The following NR2F1-AS1 variants were observed in gnomAD, a reference collection of about 807,000 sequenced individuals.
The protein encoded by NR2F1-AS1 is NR2F1 antisense RNA 1.
intron 4 of NR2F1-AS1, among the ~76,000 whole-genome samples, chr5:93,502,621 T>C (rs1751108396): frequency 1.3e-5 from 2 of 152,180 alleles, no homozygotes; most frequent in Admixed American, 6.5e-5. Context: ...GCTTATTCCA[T>C]TGAAAAGGGA....
At chr5:93,527,292 T>A (rs1182471728) in intron 4 of NR2F1-AS1, among the ~76,000 whole-genome samples, 2 of 152,022 alleles carry the variant, frequency 1.3e-5, no homozygotes, top group Non-Finnish European at 2.9e-5. Flanking sequence ...TGACAAGAAA[T>A]GTGAAGGACC....
At chr5:93,451,940 A>G (rs938986423) in intron 4 of NR2F1-AS1, among the ~76,000 whole-genome samples, 2 of 152,238 alleles carry the variant, frequency 1.3e-5, no homozygotes, top group African/African-American at 4.8e-5. Context: ...GTATTTACAT[A>G]ATTGTAAGGT....
At chr5:93,440,218 T>TCTCA (rs1379862028) in intron 4 of NR2F1-AS1, among the ~76,000 whole-genome samples, 80 of 149,044 alleles carry the variant, frequency 5.4e-4, no homozygotes, top group Middle Eastern at 3.4e-3. Flanking sequence ...TCTCTCTCTC[T>TCTCA]CACACACACA....
intron 4 of NR2F1-AS1, among the ~76,000 whole-genome samples, chr5:93,499,648 A>G (rs758862242): frequency 6.6e-6 from 1 of 152,156 alleles, no homozygotes; most frequent in Non-Finnish European, 1.5e-5. Context: ...AATTGGGCCA[A>G]TGAATAACCC....
chr5:93,570,282 C>T (rs1047424591), intron 1 of NR2F1-AS1: 2 of 152,456 alleles, frequency 1.3e-5, no homozygotes, highest in South Asian at 2.1e-4. Flanking sequence ...CCAACTGTGC[C>T]CCAGGCCTTG....
chr5:93,507,944 T>C (rs1225408711), intron 4 of NR2F1-AS1, among the ~76,000 whole-genome samples: 1 of 152,124 alleles, frequency 6.6e-6, no homozygotes, highest in Non-Finnish European at 1.5e-5. Flanking sequence ...TGGAGGAAAT[T>C]CTAAAACTTT....
intron 4 of NR2F1-AS1, among the ~76,000 whole-genome samples, chr5:93,547,149 G>GTATGTATATGCATATGCA (rs922052942): frequency 2.2e-4 from 34 of 152,066 alleles, no homozygotes; most frequent in South Asian, 4.1e-4. Context: ...GTGGGTGTGT[G>GTATGTATATGCATATGCA]TATGTATATG....
intron 4 of NR2F1-AS1, among the ~76,000 whole-genome samples, chr5:93,458,640 A>C (rs991492544): frequency 1.3e-5 from 2 of 152,206 alleles, no homozygotes; most frequent in Admixed American, 1.3e-4. Flanking sequence ...CAAAAGCCAT[A>C]AAACAAAAAA....
chr5:93,562,142 G>C (rs895628618), intron 2 of NR2F1-AS1, among the ~76,000 whole-genome samples: 36 of 125,994 alleles, frequency 2.9e-4, no homozygotes, highest in Non-Finnish European at 7.9e-5. Context: ...CTGGCCAGGA[G>C]TATAAGGCCA....
chr5:93,433,455 AG>A (rs1749368277), intron 4 of NR2F1-AS1, among the ~76,000 whole-genome samples: 1 of 152,204 alleles, frequency 6.6e-6, no homozygotes, highest in Non-Finnish European at 1.5e-5. Flanking sequence ...TGGCTCAGGC[AG>A]GGTTCCTCTC....
At chr5:93,459,129 C>G (rs1750030123) in intron 4 of NR2F1-AS1, among the ~76,000 whole-genome samples, 1 of 152,054 alleles carries the variant, frequency 6.6e-6, no homozygotes, top group Admixed American at 6.5e-5. Flanking sequence ...GTCCTTACAA[C>G]TCAAAAATAA....
rs143159446 is a variant in NR2F1-AS1 at position 93,464,454 on chromosome 5, T to C, written n.639-68912A>G. On this transcript the variant is annotated intron_variant and non_coding_transcript_variant, in intron 4 of 5. Transcript: ENST00000660523. ...TGTGTTTTAAAATAGATGTTTTCAA[T>C]TACCCTTCTAATATAGTCTTAGAAA... Among the ~76,000 whole-genome samples the C allele has an allele frequency of 2.6e-5, 4 of 152,350 alleles. No individual in the cohort carries two copies. In the East Asian group the frequency reaches 7.7e-4, roughly 29 times the overall value.
At chr5:93,444,954 G>A (rs1336568348) in intron 4 of NR2F1-AS1, among the ~76,000 whole-genome samples, 1 of 152,002 alleles carries the variant, frequency 6.6e-6, no homozygotes, top group Non-Finnish European at 1.5e-5. Flanking sequence ...ATGACTATTG[G>A]GTACATAACA....
intron 4 of NR2F1-AS1, among the ~76,000 whole-genome samples, chr5:93,436,860 T>G (rs927469076): frequency 2.6e-5 from 4 of 151,986 alleles, no homozygotes; most frequent in Non-Finnish European, 4.4e-5. Flanking sequence ...GTCCACTTAG[T>G]GAAATCCTGG....
At chr5:93,441,538 T>G (rs1439570916) in intron 4 of NR2F1-AS1, among the ~76,000 whole-genome samples, 1 of 152,180 alleles carries the variant, frequency 6.6e-6, no homozygotes, top group African/African-American at 2.4e-5. Flanking sequence ...TTGTCAGAGT[T>G]TTCTTTGGCC....
intron 4 of NR2F1-AS1, among the ~76,000 whole-genome samples, chr5:93,491,059 G>A (rs1750834551): frequency 6.6e-6 from 1 of 150,730 alleles, no homozygotes; most frequent in African/African-American, 2.4e-5. Flanking sequence ...GGTGGCGGTG[G>A]TGGTCGTTCC....
chr5:93,525,905 T>A (rs975581219), intron 4 of NR2F1-AS1, among the ~76,000 whole-genome samples: 3 of 151,712 alleles, frequency 2.0e-5, no homozygotes, highest in Non-Finnish European at 4.4e-5. Context: ...GAGAAAGCAA[T>A]AAAGGTCTGA....
rs1383605087 is a variant in NR2F1-AS1 at position 93,524,984 on chromosome 5, C to T, written n.638+28777G>A. 2.0e-5 allele frequency among the ~76,000 whole-genome samples: 3 copies of T among 152,142 alleles called. No homozygotes were observed. The East Asian group carries it at 5.8e-4, about 29-fold the overall frequency. On this transcript the variant is annotated intron_variant and non_coding_transcript_variant, in intron 4 of 5. Coordinates refer to ENST00000660523, the Ensembl canonical transcript of NR2F1-AS1. ...AAATAACCAGCTAGCATCATAACGACAGGATCAAATTCACATATAATAACA... is the reference window on the plus strand; with the variant it reads ...AAATAACCAGCTAGCATCATAACGATAGGATCAAATTCACATATAATAACA...
At chr5:93,543,617 T>C (rs1203634444) in intron 4 of NR2F1-AS1, 1 of 152,192 alleles carries the variant, frequency 6.6e-6, no homozygotes, top group Non-Finnish European at 1.5e-5. Context: ...ATATGTTTAC[T>C]CTTGAGTTCC....
Sources: allele counts gnomAD v4.1 joint callset (sites outside exome capture counted in the v4.1 genomes callset), GRCh38; gene constraint gnomAD v4.1.1; transcripts MANE v1.5; gene names NCBI Gene and HGNC (gene_info 2026-07-23, HGNC 2026-07-21).